The following SYNE2 variants were observed in gnomAD, a reference collection of about 807,000 sequenced individuals.
The protein encoded by SYNE2 is nesprin-2.
In SYNE2, 431 loss-of-function variants were observed where a neutral mutation model predicts 856.3. The observed-to-expected ratio is 0.50, with a 90% CI of 0.47 to 0.55. The LOEUF (loss-of-function observed/expected upper bound fraction) is 0.55. Ranked by LOEUF, SYNE2 falls within the 20% of genes least tolerant of loss-of-function variation. The pLI, the probability that SYNE2 is intolerant of heterozygous loss-of-function variation, is 0.00. For missense variants in SYNE2, 8,129 were observed against 8,023.2 expected (o/e 1.01, Z -0.50); for synonymous variants, 2,923 against 2,872.3 (o/e 1.02, Z -0.56).
chr14:64,175,702 T>G (rs1216393365), intron 95 of SYNE2, among the ~76,000 whole-genome samples: 1 of 152,208 alleles, frequency 6.6e-6, no homozygotes, highest in Non-Finnish European at 1.5e-5. Flanking sequence ...CCTCTTAATG[T>G]CAAACTGTCT....
intron 53 of SYNE2, chr14:64,075,619 G>C: frequency 6.5e-6 from 1 of 152,722 alleles, no homozygotes; most frequent in Non-Finnish European, 1.3e-5. Flanking sequence ...TTTTTTTGCT[G>C]CTTGCAGCTT....
chr14:64,002,395 G>A (rs554565481), intron 29 of SYNE2, among the ~76,000 whole-genome samples: 66 of 152,114 alleles, frequency 4.3e-4, no homozygotes, highest in African/African-American at 1.4e-3. Flanking sequence ...GTATTCTACC[G>A]TTTTCTTATT....
intron 1 of SYNE2, among the ~76,000 whole-genome samples, chr14:63,861,046 C>T (rs887062988): frequency 3.3e-5 from 5 of 151,918 alleles, no homozygotes; most frequent in Admixed American, 6.6e-5. Context: ...ATGCTCCAGA[C>T]TGTGAACCAT....
At chr14:64,071,410 C>T (rs1035293311) in intron 52 of SYNE2, among the ~76,000 whole-genome samples, 7 of 152,032 alleles carry the variant, frequency 4.6e-5, no homozygotes, top group Non-Finnish European at 7.4e-5. Flanking sequence ...AGGAGAATGG[C>T]GTGAACCCAG....
Position 64,141,488 on chromosome 14 carries a change from A to G in SYNE2, c.15124A>G (p.Thr5042Ala). The change falls in exon 81 of 116, where the codon ACT becomes GCT. Residue 5042 changes from threonine to alanine, a missense_variant. Thr to Ala is a moderately conservative substitution (Grantham distance 58). Coordinates refer to ENST00000555002, the MANE Select transcript of SYNE2 (RefSeq NM_182914.3). ...QFEQKWTMLI[T>A]QLPDIQEKLH... ...TGAACAAAAATGGACAATGCTCATA[A>G]CTCAACTTCCAGATATTCAAGAAAA... 6.2e-7 allele frequency: 1 copy of G among 1,614,078 alleles called. No homozygotes were observed. Among genetic ancestry groups the G allele is most frequent in the Non-Finnish European group, 8.5e-7 (1 of 1,179,966 alleles).
chr14:63,949,063 A>G (rs1027312942), intron 6 of SYNE2, among the ~76,000 whole-genome samples: 4 of 151,906 alleles, frequency 2.6e-5, no homozygotes, highest in Non-Finnish European at 4.4e-5. Flanking sequence ...TGTTGTTGAC[A>G]TCTGTTATTA....
rs1377796441 is a variant in SYNE2 at position 64,081,727 on chromosome 14, T to G, written c.11484+147T>G. 6 of 876,542 alleles carry G rather than the reference T, an allele frequency of 6.8e-6. No individual in the cohort carries two copies. The East Asian group carries it at 1.5e-4, about 22-fold the overall frequency. 54.3% of individuals were successfully genotyped at this position (876,542 alleles called of 1,614,324 possible). On this transcript the variant is annotated intron_variant, in intron 57 of 115. Coordinates refer to ENST00000555002, the MANE Select transcript of SYNE2 (RefSeq NM_182914.3). ...AGTGGCAGAAGGAAGCTTGAGAGAG[T>G]GGCAAGCAGTAGACATGGATTTTGG...
Position 63,964,145 on chromosome 14 carries a change from C to T in SYNE2, c.990+145C>T, listed in dbSNP as rs922506015. ...AGGCTGAATTCTAGGACTGTACTTC[C>T]GAAACTTTAAGGTGCATGTGATTCA... On this transcript the variant is annotated intron_variant, in intron 10 of 115. Coordinates refer to ENST00000555002, the MANE Select transcript of SYNE2 (RefSeq NM_182914.3). 2.8e-5 allele frequency: 17 copies of T among 614,396 alleles called. No individual in the cohort carries two copies. In the East Asian group the frequency reaches 3.2e-4, roughly 12 times the overall value. The allele number at this position is 614,396 out of a possible 1,614,324, so 38.1% of individuals were successfully genotyped here. A position where few individuals can be genotyped will look rare whatever the true frequency, so the allele number is the denominator to read the frequency against.
intron 65 of SYNE2, among the ~76,000 whole-genome samples, chr14:64,109,789 C>G (rs2097793268): frequency 6.6e-6 from 1 of 152,210 alleles, no homozygotes; most frequent in South Asian, 2.1e-4. Flanking sequence ...CACAGCACAT[C>G]ACTAATGAGA....
intron 63 of SYNE2, 95 bp from the exon 64 acceptor site, chr14:64,101,837 G>A (rs1163498093): frequency 2.3e-6 from 2 of 866,164 alleles, no homozygotes; most frequent in East Asian, 5.1e-5. Context: ...TGCCTGATAA[G>A]TTGAGTCTGG....
chr14:63,919,674 C>T (rs1186306217), intron 2 of SYNE2, among the ~76,000 whole-genome samples: 5 of 152,068 alleles, frequency 3.3e-5, no homozygotes, highest in African/African-American at 4.8e-5. Context: ...AGCAGGTGAA[C>T]GCAATGGCAT....
At chr14:63,813,034 G>A (rs971468757) in intron 1 of SYNE2, among the ~76,000 whole-genome samples, 5 of 152,260 alleles carry the variant, frequency 3.3e-5, no homozygotes, top group Admixed American at 6.5e-5. Flanking sequence ...AAGAAGAGAG[G>A]AATTCACTCA....
intron 28 of SYNE2, 96 bp from the exon 29 acceptor site, chr14:64,001,838 T>C (rs191140089): frequency 1.4e-5 from 19 of 1,331,776 alleles, no homozygotes; most frequent in African/African-American, 1.3e-4. Flanking sequence ...ATTGGATAAT[T>C]ATTTTCTGTT....
intron 1 of SYNE2, among the ~76,000 whole-genome samples, chr14:63,901,150 G>C (rs1174235732): frequency 6.6e-6 from 1 of 152,204 alleles, no homozygotes; most frequent in Non-Finnish European, 1.5e-5. Context: ...TTAACAAACT[G>C]TCTACTAATG....
Position 64,221,690 on chromosome 14 carries a change from C to T in SYNE2, c.20176C>T (p.Arg6726Trp), listed in dbSNP as rs371271767. 10 of 1,613,930 alleles carry T rather than the reference C, an allele frequency of 6.2e-6. No homozygotes were observed. Among genetic ancestry groups the T allele is most frequent in the East Asian group, 2.2e-5 (1 of 44,894 alleles). Residue 6726 changes from arginine (R) to tryptophan (W), a missense_variant, in exon 112 of 116, where the codon CGG becomes TGG. Arg to Trp is a moderately radical substitution (Grantham distance 101). Around this residue, in one of 3 missense-constraint regions of SYNE2, gnomAD observed 5,410 missense variants for 5,284.8 expected, o/e 1.02. Transcript: ENST00000555002. ...AGACCCCCGGGCTCTCCTAGAGTGT[C>T]GGAGGGAACTAATGGTAAGTTTCCT... ...KADPRALLEC[R>W]RELMQLEKEL...
At chr14:63,967,912 C>T (rs2096416966) in intron 11 of SYNE2, 66 bp downstream of exon 11, 2 of 1,562,148 alleles carry the variant, frequency 1.3e-6, no homozygotes, top group South Asian at 2.2e-5. Context: ...CCTGTAATCC[C>T]AGCACTTTGG....
At chr14:63,822,832 AGT>A (rs1212703975) in intron 1 of SYNE2, among the ~76,000 whole-genome samples, 2 of 152,204 alleles carry the variant, frequency 1.3e-5, no homozygotes. Context: ...GGCTGGGTAC[AGT>A]GGCTCATACC....
intron 1 of SYNE2, among the ~76,000 whole-genome samples, chr14:63,841,832 C>CTTTTTTTTTTTT (rs34947861): frequency 1.6e-4 from 18 of 115,052 alleles, no homozygotes; most frequent in East Asian, 2.5e-4. Flanking sequence ...TTCTTTCTTT[C>CTTTTTTTTTTTT]TTTTTTTTTT....
At chr14:64,180,909 A>G (rs1278576944) in intron 96 of SYNE2, among the ~76,000 whole-genome samples, 3 of 152,152 alleles carry the variant, frequency 2.0e-5, no homozygotes, top group Non-Finnish European at 4.4e-5. Flanking sequence ...TTTTCTAATT[A>G]TATTTCCTAA....
Sources: allele counts gnomAD v4.1 joint callset (sites outside exome capture counted in the v4.1 genomes callset), GRCh38; gene constraint gnomAD v4.1.1; regional missense constraint gnomAD v4.1.1; transcripts MANE v1.5; gene names NCBI Gene and HGNC (gene_info 2026-07-23, HGNC 2026-07-21).